GDA: variants seen among roughly 807,000 people sequenced by gnomAD.
GDA encodes the protein guanine deaminase, also known as cytoplasmic PSD-95 interactor.
A neutral mutation model predicts 59.6 loss-of-function variants in GDA; 18 were observed. That is an observed-to-expected ratio of 0.30 (90% confidence interval 0.21 to 0.45). The LOEUF (loss-of-function observed/expected upper bound fraction) is 0.45. Among genes scored for constraint, GDA ranks in the 20% least tolerant of loss-of-function variants. GDA has a pLI of 1.00. For synonymous variants in GDA, 201 were observed against 201.1 expected (o/e 1.00, Z 0.00); for missense variants, 427 against 552.3 (o/e 0.77, Z 2.27).
chr9:72,209,406 C>T (rs968719364), intron 3 of GDA, among the ~76,000 whole-genome samples: 2 of 152,118 alleles, frequency 1.3e-5, no homozygotes, highest in African/African-American at 4.8e-5. Flanking sequence ...CTCCTACTGG[C>T]TTCCACATTT....
At chr9:72,174,018 C>T (rs941203230) in intron 1 of GDA, among the ~76,000 whole-genome samples, 1 of 152,202 alleles carries the variant, frequency 6.6e-6, no homozygotes, top group Non-Finnish European at 1.5e-5. Flanking sequence ...AAGCTCTCCT[C>T]CCAACTTACC....
chr9:72,148,180 C>T (rs1247876780), upstream of GDA, among the ~76,000 whole-genome samples: 1 of 152,156 alleles, frequency 6.6e-6, no homozygotes, highest in Non-Finnish European at 1.5e-5. Context: ...TTATTTGTCT[C>T]AGGTTATGGC....
chr9:72,190,627 C>T (rs1210801309), intron 1 of GDA, among the ~76,000 whole-genome samples: 1 of 152,076 alleles, frequency 6.6e-6, no homozygotes, highest in African/African-American at 2.4e-5. Flanking sequence ...GCTCCTAACC[C>T]CTGCATTATT....
At chr9:72,152,094 G>A (rs1440991729) in intron 1 of GDA, among the ~76,000 whole-genome samples, 1 of 152,256 alleles carries the variant, frequency 6.6e-6, no homozygotes, top group East Asian at 1.9e-4. Context: ...CGCAGGTAGC[G>A]GGTGGATTAT....
intron 1 of GDA, among the ~76,000 whole-genome samples, chr9:72,121,143 T>A (rs1825646144): frequency 1.3e-5 from 2 of 152,212 alleles, no homozygotes; most frequent in Admixed American, 1.3e-4. Flanking sequence ...TACTGAAGCC[T>A]CTTAAATATA....
Position 72,171,099 on chromosome 9 carries a change from G to T in GDA, c.123+21417G>T, listed in dbSNP as rs538810920. On this transcript the variant is annotated intron_variant, in intron 1 of 13. Coordinates refer to ENST00000358399, the MANE Select transcript of GDA (RefSeq NM_004293.5). Reference sequence around the variant, plus strand: ...CCCAAAGTGCTGGGATTACAGGCGTGAGCCACCATCCACCGTGCTCTGGGT... The same window carrying T: ...CCCAAAGTGCTGGGATTACAGGCGTTAGCCACCATCCACCGTGCTCTGGGT... 2.5e-4 allele frequency among the ~76,000 whole-genome samples: 38 copies of T among 152,276 alleles called. No homozygotes were observed. The South Asian group carries it at 7.9e-3, about 32-fold the overall frequency.
chr9:72,169,713 T>G (rs911652214), intron 1 of GDA, among the ~76,000 whole-genome samples: 1 of 152,194 alleles, frequency 6.6e-6, no homozygotes, highest in Admixed American at 6.5e-5. Context: ...TGGACCAACA[T>G]TTTGCGTTTC....
intron 1 of GDA, among the ~76,000 whole-genome samples, chr9:72,143,191 G>A (rs777685373): frequency 2.1e-4 from 30 of 142,862 alleles, no homozygotes; most frequent in Admixed American, 4.2e-4. Flanking sequence ...GTGCAATGGC[G>A]CGATCTCGGC....
rs535971750 is a variant in GDA at position 72,159,342 on chromosome 9, C to T, written c.123+9660C>T. 7.2e-5 allele frequency among the ~76,000 whole-genome samples: 11 copies of T among 151,766 alleles called. No homozygotes were observed. In the East Asian group the frequency reaches 1.2e-3, roughly 16 times the overall value. Reference sequence around the variant, plus strand: ...CCAGGAGGTGGAGGTTGCAGTGAGCCGAAATTGTGCCACTGCACTCCAGCC... The same window carrying T: ...CCAGGAGGTGGAGGTTGCAGTGAGCTGAAATTGTGCCACTGCACTCCAGCC... On this transcript the variant is annotated intron_variant, in intron 1 of 13. Transcript: ENST00000358399.
chr9:72,192,828 C>T (rs892635954), intron 1 of GDA, among the ~76,000 whole-genome samples: 4 of 151,718 alleles, frequency 2.6e-5, no homozygotes, highest in East Asian at 2.0e-4. Flanking sequence ...TGCAGTGAGC[C>T]GAGATGGTGC....
At chr9:72,125,998 C>A (rs376533212) in intron 1 of GDA, among the ~76,000 whole-genome samples, 4 of 152,206 alleles carry the variant, frequency 2.6e-5, no homozygotes, top group Admixed American at 1.3e-4. Flanking sequence ...CTCACTGCAA[C>A]CTCTGCCTCC....
intron 1 of GDA, among the ~76,000 whole-genome samples, chr9:72,165,667 G>A (rs1353172708): frequency 6.6e-6 from 1 of 152,184 alleles, no homozygotes; most frequent in Non-Finnish European, 1.5e-5. Flanking sequence ...GGAGGCCGAG[G>A]TGGGCGGATC....
chr9:72,232,892 T>C (rs544604031), intron 10 of GDA, among the ~76,000 whole-genome samples: 1 of 152,384 alleles, frequency 6.6e-6, no homozygotes, highest in South Asian at 2.1e-4. Flanking sequence ...AATTAAACTT[T>C]AAAATGCATG....
chr9:72,131,240 A>G (rs553611411), intron 1 of GDA, among the ~76,000 whole-genome samples: 12 of 152,206 alleles, frequency 7.9e-5, no homozygotes, highest in Non-Finnish European at 1.6e-4. Context: ...CCAGAATTTA[A>G]TTGTAAGAGT....
At chr9:72,210,906 A>C in intron 4 of GDA, 132 bp downstream of exon 4, 1 of 636,572 alleles carries the variant, frequency 1.6e-6, no homozygotes. Context: ...ATTTTTTGCA[A>C]GTAATTACGT....
chr9:72,175,749 A>G (rs1168886071), intron 1 of GDA, among the ~76,000 whole-genome samples: 1 of 152,168 alleles, frequency 6.6e-6, no homozygotes, highest in East Asian at 1.9e-4. Context: ...GTCCTTCCCC[A>G]CTTTCTACTT....
intron 1 of GDA, among the ~76,000 whole-genome samples, chr9:72,153,707 G>A (rs113349697): frequency 0.02 from 2,971 of 150,538 alleles, 48 homozygotes; most frequent in Middle Eastern, 0.024. Context: ...GGAAACTGTC[G>A]CAAGGACAAA....
Position 72,248,725 on chromosome 9 carries a change from A to G in GDA, c.*383A>G, listed in dbSNP as rs569032552. ...ATATTTTGAGCTAATAATTGCAAAA[A>G]TTAGAAGACTGAAAATGGACCCATG... On this transcript the variant is annotated 3_prime_UTR_variant, in exon 14 of 14. Transcript: ENST00000358399. 1.2e-5 allele frequency: 12 copies of G among 1,008,184 alleles called. No individual in the cohort carries two copies. In the East Asian group the frequency reaches 9.5e-4, roughly 80 times the overall value. 62.5% of individuals were successfully genotyped at this position (1,008,184 alleles called of 1,614,324 possible).
chr9:72,190,766 A>T (rs1420150156), intron 1 of GDA, among the ~76,000 whole-genome samples: 2 of 152,156 alleles, frequency 1.3e-5, no homozygotes, highest in African/African-American at 4.8e-5. Context: ...TTGTAGTAAA[A>T]TATCTGTACA....
Sources: allele counts gnomAD v4.1 joint callset (sites outside exome capture counted in the v4.1 genomes callset), GRCh38; gene constraint gnomAD v4.1.1; transcripts MANE v1.5; gene names NCBI Gene and HGNC (gene_info 2026-07-23, HGNC 2026-07-21).